The following NTN1 variants were observed in gnomAD, a reference collection of about 807,000 sequenced individuals.
NTN1 encodes the protein netrin 1, also known as netrin-1.
A neutral mutation model predicts 54.2 loss-of-function variants in NTN1; 11 were observed. The observed-to-expected ratio is 0.20, with a 90% CI of 0.13 to 0.34. The LOEUF is 0.34. Ranked by LOEUF, NTN1 falls within the 10% of genes least tolerant of loss-of-function variation. The pLI is 1.00. For missense variants in NTN1, 740 were observed against 893.1 expected, an observed-to-expected ratio of 0.83 and a Z score of 2.18; for synonymous variants, 371 against 382.0, an observed-to-expected ratio of 0.97 and a Z score of 0.33.
intron 2 of NTN1, among the ~76,000 whole-genome samples, chr17:9,081,542 C>G (rs896300364): frequency 1.3e-5 from 2 of 152,180 alleles, no homozygotes; most frequent in Non-Finnish European, 2.9e-5. Flanking sequence ...CTCTCGTCCT[C>G]CACCCCCAAA....
At chr17:9,028,049 T>C (rs1047863988) in intron 2 of NTN1, among the ~76,000 whole-genome samples, 9 of 151,360 alleles carry the variant, frequency 5.9e-5, no homozygotes, top group Admixed American at 4.6e-4. Context: ...CGCTTGAACC[T>C]GGGAGGCGGA....
chr17:9,007,249 C>T, the NTN1 span, among the ~76,000 whole-genome samples: 5 of 136,438 alleles, frequency 3.7e-5, no homozygotes, highest in Non-Finnish European at 7.7e-5. Context: ...TCTTTCCTTC[C>T]TTCCTTCTCT....
At chr17:9,225,581 C>A (rs1905507378) in intron 6 of NTN1, among the ~76,000 whole-genome samples, 1 of 152,186 alleles carries the variant, frequency 6.6e-6, no homozygotes, top group South Asian at 2.1e-4. Flanking sequence ...GGGCCCCTGG[C>A]CCCCCTGAGA....
the NTN1 span, among the ~76,000 whole-genome samples, chr17:9,004,077 A>G: frequency 6.6e-6 from 1 of 152,196 alleles, no homozygotes; most frequent in African/African-American, 2.4e-5. Flanking sequence ...CGCAGGGGAC[A>G]AAGAGATTGA....
At chr17:9,033,794 G>A (rs916726906) in intron 2 of NTN1, among the ~76,000 whole-genome samples, 1 of 151,960 alleles carries the variant, frequency 6.6e-6, no homozygotes, top group African/African-American at 2.4e-5. Flanking sequence ...GCACGTGCCT[G>A]TAATCCCAGC....
At chr17:9,121,603 T>G (rs1337816192) in intron 2 of NTN1, among the ~76,000 whole-genome samples, 1 of 152,144 alleles carries the variant, frequency 6.6e-6, no homozygotes, top group African/African-American at 2.4e-5. Context: ...CCCCACATTT[T>G]TTGTGCCTGT....
intron 2 of NTN1, among the ~76,000 whole-genome samples, chr17:9,026,921 A>G (rs2151508151): frequency 6.6e-6 from 1 of 152,030 alleles, no homozygotes; most frequent in Admixed American, 6.6e-5. Flanking sequence ...CCCACACAAA[A>G]GGTGTCTCTG....
Position 9,221,147 on chromosome 17 carries a change from TCC to T in NTN1, c.1412-14_1412-13del. 3 of 1,303,746 alleles carry T rather than the reference TCC, an allele frequency of 2.3e-6. No individual in the cohort carries two copies. The highest frequency in any genetic ancestry group is 3.1e-6 in the Non-Finnish European group (3 of 952,826). 80.8% of individuals were successfully genotyped at this position (1,303,746 alleles called of 1,614,324 possible). ...CAGCCTAATTAGTTTTTGTCTGTGC[TCC>T]CCCCCCACCCCCCTGCAGACTGCGA... On this transcript the variant is annotated intron_variant, in intron 5 of 6. Coordinates refer to ENST00000173229, the MANE Select transcript of NTN1 (RefSeq NM_004822.3). This position sits in a 1 kb window ranked among gnomAD's most constrained non-coding sequence, Gnocchi z 4.5.
rs80025994 is a variant in NTN1 at position 9,031,055 on chromosome 17, G to A, written c.1018+7664G>A. Among the ~76,000 whole-genome samples the A allele has an allele frequency of 7.6e-4, 115 of 152,254 alleles. 1 individual carries two copies. In the East Asian group the frequency reaches 0.011, roughly 14 times the overall value. ...TTGCTAGATTTTCTAGATTTTTCCC[G>A]TGTCTTTTTCTGCCTGAAGATGAGA... On this transcript the variant is annotated intron_variant, in intron 2 of 6. Transcript: ENST00000173229.
intron 2 of NTN1, among the ~76,000 whole-genome samples, chr17:9,094,237 A>G (rs1057456112): frequency 6.6e-6 from 1 of 152,178 alleles, no homozygotes; most frequent in African/African-American, 2.4e-5. Context: ...TAGTACATGA[A>G]TGTACCACAG....
chr17:9,042,862 C>T (rs2091927233), intron 2 of NTN1, among the ~76,000 whole-genome samples: 1 of 151,734 alleles, frequency 6.6e-6, no homozygotes, highest in South Asian at 2.1e-4. Flanking sequence ...CTGTTTTAAC[C>T]TTATAAAATG....
chr17:9,044,448 T>TGACCTCCTGACCTCA (rs2091934494), intron 2 of NTN1, among the ~76,000 whole-genome samples: 1 of 152,120 alleles, frequency 6.6e-6, no homozygotes, highest in Non-Finnish European at 1.5e-5. Flanking sequence ...TTGGCCAGGC[T>TGACCTCCTGACCTCA]GGTCTCGAAC....
intron 2 of NTN1, among the ~76,000 whole-genome samples, chr17:9,034,448 A>G (rs2091897142): frequency 7.0e-6 from 1 of 142,158 alleles, no homozygotes; most frequent in Admixed American, 7.4e-5. Flanking sequence ...TTTAAGATAG[A>G]GTCTTGCTCT....
chr17:9,063,636 C>T (rs2092005785), intron 2 of NTN1, among the ~76,000 whole-genome samples: 1 of 152,062 alleles, frequency 6.6e-6, no homozygotes, highest in South Asian at 2.1e-4. Flanking sequence ...CAAGCTCTGC[C>T]TCCCGGGTTC....
At chr17:9,047,077 A>G (rs148309479) in intron 2 of NTN1, among the ~76,000 whole-genome samples, 2 of 152,366 alleles carry the variant, frequency 1.3e-5, no homozygotes, top group East Asian at 3.9e-4. Context: ...AAAATACTTT[A>G]TTGCTAAAAA....
chr17:9,082,961 C>T lies in NTN1; in HGVS notation c.1018+59570C>T, dbSNP rs8081538. Among the ~76,000 whole-genome samples the T allele has an allele frequency of 6.3e-3, 963 of 152,154 alleles. 11 individuals are homozygous for T. The highest frequency in any genetic ancestry group is 0.022 in the African/African-American group (925 of 41,500). The stretch of plus-strand genomic sequence containing the variant: ...GGATGTGGTTGCCAAAGGAAGCTAA[C>T]GTAAGCTTCGATCATCATAGCTCTC... On this transcript the variant is annotated intron_variant, in intron 2 of 6. Coordinates refer to ENST00000173229, the MANE Select transcript of NTN1 (RefSeq NM_004822.3).
intron 3 of NTN1, among the ~76,000 whole-genome samples, chr17:9,170,200 G>T (rs759318053): frequency 1.2e-4 from 18 of 152,174 alleles, no homozygotes; most frequent in Admixed American, 3.3e-4. Context: ...TTTCTTATCT[G>T]CAAATGGGAA....
intron 6 of NTN1, among the ~76,000 whole-genome samples, chr17:9,232,544 G>A (rs1905848517): frequency 6.6e-6 from 1 of 152,132 alleles, no homozygotes. Flanking sequence ...CTTTGGTTGA[G>A]GGGAAACCTT....
At chr17:9,156,930 G>A (rs2092344257) in intron 2 of NTN1, among the ~76,000 whole-genome samples, 1 of 151,116 alleles carries the variant, frequency 6.6e-6, no homozygotes, top group Non-Finnish European at 1.5e-5. Flanking sequence ...CCATGCATGC[G>A]TCCATCCATC....
Sources: gnomAD v4.1 joint callset for allele counts (sites outside exome capture counted in the v4.1 genomes callset) on GRCh38, gnomAD v4.1.1 for gene constraint, Gnocchi (gnomAD v3.1) non-coding constraint, MANE v1.5 for transcripts, NCBI Gene and HGNC (gene_info 2026-07-23, HGNC 2026-07-21) for gene names.